Variants in DHRS9 observed in about 807,000 individuals in gnomAD.
The protein encoded by DHRS9 is dehydrogenase/reductase 9.
DHRS9 carries 18 observed loss-of-function variants against 26.6 expected under a neutral mutation model. That is an observed-to-expected ratio of 0.68 (90% CI 0.47 to 1.00). The LOEUF is 1.00. DHRS9 is among the 50% of genes least tolerant of loss of function. The pLI is 0.00. For missense variants in DHRS9, 425 were observed against 378.7 expected (o/e 1.12, Z -1.01); for synonymous variants, 134 against 141.1 (o/e 0.95, Z 0.36).
At chr2:169,091,712 T>G in intron 3 of DHRS9, 78 bp from the exon 4 acceptor site, 1 of 1,432,762 alleles carries the variant, frequency 7.0e-7, no homozygotes, top group Non-Finnish European at 9.5e-7. Flanking sequence ...AAAAGATTCG[T>G]GAGAAAATAG....
At chr2:169,083,815 G>A (rs1240379735) in intron 3 of DHRS9, among the ~76,000 whole-genome samples, 3 of 151,926 alleles carry the variant, frequency 2.0e-5, no homozygotes, top group African/African-American at 7.3e-5. Context: ...ATCACCTCAA[G>A]CATTTATCCT....
intron 3 of DHRS9, among the ~76,000 whole-genome samples, chr2:169,089,082 T>C (rs1226666444): frequency 6.6e-6 from 1 of 152,178 alleles, no homozygotes; most frequent in East Asian, 1.9e-4. Flanking sequence ...CAGGAAATGG[T>C]GGCACATTAA....
At chr2:169,080,129 C>T (rs1255305068) in intron 1 of DHRS9, among the ~76,000 whole-genome samples, 1 of 152,074 alleles carries the variant, frequency 6.6e-6, no homozygotes, top group Non-Finnish European at 1.5e-5. Flanking sequence ...AGCCATGATT[C>T]CAAAAGCACC....
intron 1 of DHRS9, among the ~76,000 whole-genome samples, chr2:169,075,969 T>C (rs1434373387): frequency 6.6e-6 from 1 of 152,214 alleles, no homozygotes; most frequent in East Asian, 1.9e-4. Flanking sequence ...GGGAGATTCT[T>C]TGAGATTCTA....
Position 169,095,536 on chromosome 2 carries a change from C to A in DHRS9, c.737-8C>A, listed in dbSNP as rs1684666234. The A allele has an allele frequency of 6.2e-7, 1 of 1,610,958 alleles. No individual in the cohort carries two copies. The highest frequency in any genetic ancestry group is 8.5e-7 in the Non-Finnish European group (1 of 1,177,260). Reference sequence around the variant, plus strand: ...CCAAAGAGTAAATGTACTTTTGTCTCTTTTTAGGTCTAGACAAACTGAAAG... The same window carrying A: ...CCAAAGAGTAAATGTACTTTTGTCTATTTTTAGGTCTAGACAAACTGAAAG... On this transcript the variant is annotated splice_region_variant and splice_polypyrimidine_tract_variant and intron_variant, in intron 4 of 4. Coordinates refer to ENST00000674881, the MANE Select transcript of DHRS9 (RefSeq NM_001376924.1).
At chr2:169,067,157 G>A, upstream of DHRS9, 1 of 1,535,524 alleles carries the variant, frequency 6.5e-7, no homozygotes, top group Non-Finnish European at 8.7e-7. Context: ...ATGCCAGAAG[G>A]AAGAAGCCAC....
chr2:169,072,571 C>G (rs1683840429), intron 1 of DHRS9: 1 of 982,836 alleles, frequency 1.0e-6, no homozygotes, highest in African/African-American at 1.8e-5. Flanking sequence ...AACTTTTTTA[C>G]TAGGAAAACA....
At position 169,078,815 on chromosome 2, in the gene DHRS9, C is replaced by CTTTTTTTTTTTTTTTTT. The variant is rs200691133; in HGVS notation, c.-59-2698_-59-2682dup. ...CTCTGACTTAATTTTTATCAACTGA[C>CTTTTTTTTTTTTTTTTT]TTTTTTTTTTTTTTTTTTTTTTTTT... On this transcript the variant is annotated intron_variant, in intron 1 of 4. Transcript: ENST00000674881. Among the ~76,000 whole-genome samples, 23 of 110,364 alleles carry CTTTTTTTTTTTTTTTTT rather than the reference C, an allele frequency of 2.1e-4. 1 individual carries two copies. Among genetic ancestry groups the CTTTTTTTTTTTTTTTTT allele is most frequent in the South Asian group, 6.0e-4 (2 of 3,332 alleles). The allele number at this position is 110,364 out of a possible 152,430, so 72.4% of individuals were successfully genotyped here.
intron 1 of DHRS9, among the ~76,000 whole-genome samples, chr2:169,078,840 T>TG (rs1352391506): frequency 7.3e-6 from 1 of 137,268 alleles, no homozygotes; most frequent in Admixed American, 7.2e-5. Context: ...TTTTTTTTTT[T>TG]TGTGACAGAG....
intron 3 of DHRS9, among the ~76,000 whole-genome samples, chr2:169,084,055 T>G (rs533839555): frequency 3.9e-5 from 6 of 152,284 alleles, no homozygotes; most frequent in Non-Finnish European, 8.8e-5. Context: ...TTTGTTTTAA[T>G]TTTTAGCTCT....
chr2:169,074,305 G>A (rs1683896180), intron 1 of DHRS9: 2 of 985,354 alleles, frequency 2.0e-6, no homozygotes, highest in Admixed American at 6.1e-5. Context: ...GCCCTCTGAT[G>A]ATAGTGAAAC....
chr2:169,091,333 C>T (rs1370658415), intron 3 of DHRS9, among the ~76,000 whole-genome samples: 2 of 152,122 alleles, frequency 1.3e-5, no homozygotes, highest in African/African-American at 4.8e-5. Flanking sequence ...AGGTTAGTCA[C>T]ATCAGGGATT....
chr2:169,069,865 C>T (rs1574016309), intron 1 of DHRS9, 148 bp downstream of exon 1: 1 of 785,044 alleles, frequency 1.3e-6, no homozygotes, highest in Non-Finnish European at 1.5e-6. Context: ...ACATTAGAAC[C>T]CAGTGATGGG....
intron 3 of DHRS9, among the ~76,000 whole-genome samples, chr2:169,090,605 T>C (rs1684490916): frequency 6.6e-6 from 1 of 152,214 alleles, no homozygotes; most frequent in Non-Finnish European, 1.5e-5. Context: ...CTAATAGAGC[T>C]TTTAAAAATC....
intron 1 of DHRS9, 48 bp downstream of exon 1, chr2:169,069,765 T>C (rs547003477): frequency 1.0e-6 from 1 of 984,940 alleles, no homozygotes; most frequent in East Asian, 1.1e-4. Flanking sequence ...ATCAAGTCAA[T>C]CTAAACTTTC....
At chr2:169,090,721 C>T (rs1684493752) in intron 3 of DHRS9, among the ~76,000 whole-genome samples, 1 of 152,188 alleles carries the variant, frequency 6.6e-6, no homozygotes, top group African/African-American at 2.4e-5. Context: ...TACTGGTTTG[C>T]TGTACAGGTG....
Position 169,095,699 on chromosome 2 carries a change from C to T in DHRS9, c.892C>T (p.Pro298Ser), listed in dbSNP as rs777224534. Reference protein sequence around the residue: ...KIFWIPLSHMPAALQDFLLLK... With the variant: ...KIFWIPLSHMSAALQDFLLLK... ...TTTCTGGATACCTCTGTCTCACATG[C>T]CAGCAGCTTTGCAAGACTTTTTATT... Residue 298 changes from proline to serine, a missense_variant, in exon 5 of 5, where the codon CCA (proline) becomes TCA (serine). By Grantham distance (74) the Pro-to-Ser change is moderately conservative (BLOSUM62 -1). Transcript: ENST00000674881. 6.2e-7 allele frequency: 1 copy of T among 1,613,970 alleles called. No homozygotes were observed. The highest frequency in any genetic ancestry group is 1.7e-4 in the Middle Eastern group (1 of 6,050).
intron 4 of DHRS9, among the ~76,000 whole-genome samples, chr2:169,093,549 C>A (rs888353164): frequency 1.3e-5 from 2 of 152,112 alleles, no homozygotes; most frequent in Admixed American, 6.5e-5. Flanking sequence ...AGAAACAAAA[C>A]CCCTCATTTA....
intron 3 of DHRS9, among the ~76,000 whole-genome samples, chr2:169,086,569 A>G (rs772651187): frequency 6.7e-6 from 1 of 150,266 alleles, no homozygotes; most frequent in African/African-American, 2.5e-5. Context: ...ATGTCTGTGC[A>G]TTGAAGAGTT....
Sources: gnomAD v4.1 joint callset for allele counts (sites outside exome capture counted in the v4.1 genomes callset) on GRCh38, gnomAD v4.1.1 for gene constraint, MANE v1.5 for transcripts, NCBI Gene and HGNC (gene_info 2026-07-23, HGNC 2026-07-21) for gene names.